Variants in TNNI3K observed in about 807,000 individuals in gnomAD.
The protein encoded by TNNI3K is serine/threonine-protein kinase TNNI3K.
In TNNI3K, 140 loss-of-function variants were observed where a neutral mutation model predicts 114.5. The ratio of observed to expected loss-of-function variants is 1.22; its 90% CI spans 1.07 to 1.41. The LOEUF (loss-of-function observed/expected upper bound fraction) is 1.41. TNNI3K is among the 40% of genes most tolerant of loss of function. TNNI3K has a pLI of 0.00. For synonymous variants in TNNI3K, 347 were observed against 347.5 expected (o/e 1.00, Z 0.02); for missense variants, 1,125 against 1,007.6 (o/e 1.12, Z -1.58).
intron 20 of TNNI3K, among the ~76,000 whole-genome samples, chr1:74,442,750 G>A (rs1283941177): frequency 6.6e-6 from 1 of 151,812 alleles, no homozygotes; most frequent in Non-Finnish European, 1.5e-5. Context: ...AAATATCAAT[G>A]TCCTAATTGG....
rs1206199074 is a variant in TNNI3K at position 74,464,744 on chromosome 1, C to G, written c.2121+1194C>G. 2.5e-6 allele frequency: 4 copies of G among 1,569,934 alleles called. No individual in the cohort carries two copies. The Admixed American group carries it at 7.5e-5, about 29-fold the overall frequency. On this transcript the variant is annotated intron_variant, in intron 21 of 24. Coordinates refer to ENST00000326637, the MANE Select transcript of TNNI3K (RefSeq NM_015978.3). Reference sequence around the variant, plus strand: ...TGGATTGAGTATCTCAGAAGATAACCTCTTATCCTGGCCATTCAACCTGAT... The same window carrying G: ...TGGATTGAGTATCTCAGAAGATAACGTCTTATCCTGGCCATTCAACCTGAT...
chr1:74,502,953 T>C (rs751173571), intron 23 of TNNI3K, among the ~76,000 whole-genome samples: 2 of 152,234 alleles, frequency 1.3e-5, no homozygotes, highest in Non-Finnish European at 2.9e-5. Flanking sequence ...GATGAACTTC[T>C]TCCTTCTAGG....
intron 20 of TNNI3K, among the ~76,000 whole-genome samples, chr1:74,450,527 A>C (rs112250152): frequency 4.6e-5 from 7 of 152,200 alleles, no homozygotes; most frequent in African/African-American, 1.7e-4. Flanking sequence ...TAATACCCAC[A>C]ATCTACAATG....
chr1:74,458,033 T>C (rs540001069), intron 20 of TNNI3K, among the ~76,000 whole-genome samples: 305 of 152,258 alleles, frequency 2.0e-3, no homozygotes, highest in Non-Finnish European at 3.3e-3. Context: ...GCTCTCTAGG[T>C]TCAAACCAAA....
chr1:74,258,129 T>A (rs1655441892), intron 4 of TNNI3K, among the ~76,000 whole-genome samples: 1 of 152,166 alleles, frequency 6.6e-6, no homozygotes, highest in Non-Finnish European at 1.5e-5. Context: ...CCGTACTACA[T>A]GACCTCCAGT....
rs113666086 is a variant in TNNI3K at position 74,327,620 on chromosome 1, GTAT to G, written c.445-3823_445-3821del. ...ATTATATATTACTATTATATTAATAGTATTATTATATGTCAGATATGTCTTTTT... is the reference window on the plus strand; with the variant it reads ...ATTATATATTACTATTATATTAATAGTATTATATGTCAGATATGTCTTTTT... On this transcript the variant is annotated intron_variant, in intron 5 of 24. Coordinates refer to ENST00000326637, the MANE Select transcript of TNNI3K (RefSeq NM_015978.3). 1.7e-3 allele frequency among the ~76,000 whole-genome samples: 234 copies of G among 139,482 alleles called. 2 individuals are homozygous for G. The highest frequency in any genetic ancestry group is 5.2e-3 in the African/African-American group (201 of 38,640). The allele number at this position is 139,482 out of a possible 152,430, so 91.5% of individuals were successfully genotyped here. A position where few individuals can be genotyped will look rare whatever the true frequency, so the allele number is the denominator to read the frequency against.
chr1:74,386,359 C>G (rs1296617877), intron 17 of TNNI3K, among the ~76,000 whole-genome samples: 1 of 151,936 alleles, frequency 6.6e-6, no homozygotes, highest in African/African-American at 2.4e-5. Flanking sequence ...TAAAATCATT[C>G]CATTTATTCA....
At chr1:74,378,845 G>A (rs1315502494) in intron 17 of TNNI3K, 1 of 151,160 alleles carries the variant, frequency 6.6e-6, no homozygotes, top group Non-Finnish European at 1.5e-5. Flanking sequence ...CCAGAAGTCT[G>A]TGCTACATTG....
intron 20 of TNNI3K, among the ~76,000 whole-genome samples, chr1:74,442,800 C>T (rs972221207): frequency 1.3e-5 from 2 of 151,950 alleles, no homozygotes; most frequent in African/African-American, 4.8e-5. Context: ...CAACTGAAAT[C>T]ATAACAAACA....
At chr1:74,350,230 C>T (rs1340387067) in intron 9 of TNNI3K, among the ~76,000 whole-genome samples, 2 of 152,130 alleles carry the variant, frequency 1.3e-5, no homozygotes, top group African/African-American at 4.8e-5. Context: ...TCGTTATTTA[C>T]CCAGTAGTCA....
intron 11 of TNNI3K, among the ~76,000 whole-genome samples, chr1:74,356,003 A>G (rs1426357967): frequency 2.6e-5 from 4 of 152,332 alleles, no homozygotes; most frequent in African/African-American, 9.6e-5. Context: ...GAAACTGAAC[A>G]TAACAAGTCC....
rs1372048362 is a variant in TNNI3K, at chr1:74,493,780, C to A, written c.2351+1514C>A. ...TTCTCACAGACAAAGGCTAGTAACT[C>A]AAGAGGACAAGCCCAAATTTACATG... On this transcript the variant is annotated intron_variant, in intron 23 of 24. Coordinates refer to ENST00000326637, the MANE Select transcript of TNNI3K (RefSeq NM_015978.3). Among the ~76,000 whole-genome samples the A allele has an allele frequency of 2.0e-5, 3 of 152,158 alleles. No individual in the cohort carries two copies. The East Asian group carries it at 5.8e-4, about 29-fold the overall frequency.
At chr1:74,363,689 T>C (rs1478672949) in intron 11 of TNNI3K, among the ~76,000 whole-genome samples, 2 of 151,982 alleles carry the variant, frequency 1.3e-5, no homozygotes, top group Non-Finnish European at 2.9e-5. Flanking sequence ...GAAGGTGGGC[T>C]CTGTGAATTA....
At chr1:74,464,222 T>G in intron 21 of TNNI3K, among the ~76,000 whole-genome samples, 1 of 152,152 alleles carries the variant, frequency 6.6e-6, no homozygotes, top group Non-Finnish European at 1.5e-5. Flanking sequence ...ATGTCTGCTT[T>G]GTTCTCAGAG....
chr1:74,541,230 C>G (rs1377361527), intron 24 of TNNI3K, among the ~76,000 whole-genome samples: 4 of 152,124 alleles, frequency 2.6e-5, no homozygotes, highest in Non-Finnish European at 5.9e-5. Flanking sequence ...GCTTTGGGAT[C>G]CTCACCAATT....
chr1:74,360,050 GTCT>G (rs1412718671), intron 11 of TNNI3K, among the ~76,000 whole-genome samples: 3 of 151,694 alleles, frequency 2.0e-5, no homozygotes, highest in Non-Finnish European at 4.4e-5. Context: ...CAATCAAAAA[GTCT>G]TCTTTATTTT....
intron 17 of TNNI3K, among the ~76,000 whole-genome samples, chr1:74,432,968 A>G (rs1377888247): frequency 7.9e-5 from 12 of 152,016 alleles, no homozygotes; most frequent in Admixed American, 7.2e-4. Flanking sequence ...AGGTATGCTA[A>G]TACCATCTCC....
rs1036759474 is a variant in TNNI3K, at chr1:74,309,408, A to G, written c.445-22042A>G. The stretch of plus-strand genomic sequence containing the variant: ...AAGAGATAATATCAATCTTACTGAA[A>G]CTATTCCAAAAAAATCAAGGAGGAG... On this transcript the variant is annotated intron_variant, in intron 5 of 24. Coordinates refer to ENST00000326637, the MANE Select transcript of TNNI3K (RefSeq NM_015978.3). Among the ~76,000 whole-genome samples, 4 of 149,662 alleles carry G rather than the reference A, an allele frequency of 2.7e-5. No individual in the cohort carries two copies. The East Asian group carries it at 7.8e-4, about 29-fold the overall frequency.
chr1:74,306,624 G>A (rs193028422), intron 5 of TNNI3K, among the ~76,000 whole-genome samples: 1 of 152,274 alleles, frequency 6.6e-6, no homozygotes, highest in Non-Finnish European at 1.5e-5. Context: ...TTTCTCTGAT[G>A]ATTAGTAATG....
Sources: allele counts gnomAD v4.1 joint callset (sites outside exome capture counted in the v4.1 genomes callset), GRCh38; gene constraint gnomAD v4.1.1; transcripts MANE v1.5; gene names NCBI Gene and HGNC (gene_info 2026-07-23, HGNC 2026-07-21).